The following WWOX variants were observed in gnomAD, a reference collection of about 807,000 sequenced individuals.
The protein encoded by WWOX is WW domain containing oxidoreductase.
A neutral mutation model predicts 46.2 loss-of-function variants in WWOX; 69 were observed. The ratio of observed to expected loss-of-function variants is 1.49; its 90% confidence interval spans 1.23 to 1.82. WWOX has a LOEUF of 1.82. WWOX is among the 40% of genes most tolerant of loss of function. WWOX has a pLI of 0.00. For synonymous variants in WWOX, 359 were observed against 202.6 expected (o/e 1.77, Z -6.56); for missense variants, 919 against 542.6 (o/e 1.69, Z -6.89).
At chr16:79,183,218 C>T (rs1363287350) in intron 8 of WWOX, among the ~76,000 whole-genome samples, 1 of 152,190 alleles carries the variant, frequency 6.6e-6, no homozygotes, top group African/African-American at 2.4e-5. Context: ...CTGTGGCTGA[C>T]CAGCTAGACT....
At chr16:78,494,514 C>A (rs569914847) in intron 8 of WWOX, among the ~76,000 whole-genome samples, 30 of 152,102 alleles carry the variant, frequency 2.0e-4, no homozygotes, top group African/African-American at 7.0e-4. Context: ...GAAATAAAAA[C>A]GGCAACAAAT....
At chr16:78,116,310 T>C (rs374063334) in intron 4 of WWOX, among the ~76,000 whole-genome samples, 29 of 152,348 alleles carry the variant, frequency 1.9e-4, no homozygotes, top group African/African-American at 6.7e-4. Context: ...GAACAATTCC[T>C]TGAAGCTGCA....
At chr16:78,232,265 A>G (rs1047859020) in intron 5 of WWOX, among the ~76,000 whole-genome samples, 21 of 152,208 alleles carry the variant, frequency 1.4e-4, no homozygotes, top group African/African-American at 4.8e-4. Flanking sequence ...GGTCAAACAC[A>G]TTCGTCTGTT....
intron 1 of WWOX, among the ~76,000 whole-genome samples, chr16:78,106,885 C>G (rs567898351): frequency 6.6e-6 from 1 of 152,176 alleles, no homozygotes; most frequent in African/African-American, 2.4e-5. Context: ...GTGGCAGTAG[C>G]CCTGAGGAGA....
At chr16:79,090,564 G>GTT (rs1396261771) in intron 8 of WWOX, among the ~76,000 whole-genome samples, 4 of 152,232 alleles carry the variant, frequency 2.6e-5, no homozygotes, top group East Asian at 3.9e-4. Context: ...ATTCATTCCT[G>GTT]TTTAGAGGGC....
intron 8 of WWOX, among the ~76,000 whole-genome samples, chr16:78,870,935 C>T (rs895100762): frequency 1.2e-4 from 19 of 152,130 alleles, no homozygotes; most frequent in African/African-American, 4.3e-4. Context: ...CTGAAACTGT[C>T]TGCCTGATTC....
At chr16:78,996,143 T>C (rs2046983125) in intron 8 of WWOX, 1 of 929,524 alleles carries the variant, frequency 1.1e-6, no homozygotes, top group Non-Finnish European at 1.3e-6. Flanking sequence ...AGAATGTTCT[T>C]TTTTTTAATT....
intron 8 of WWOX, among the ~76,000 whole-genome samples, chr16:78,594,195 T>C (rs1400823202): frequency 6.9e-6 from 1 of 144,534 alleles, no homozygotes; most frequent in African/African-American, 2.9e-5. Flanking sequence ...TTAGGGCCTT[T>C]TTAACCCCAT....
chr16:78,696,072 C>T (rs538401480), intron 8 of WWOX, among the ~76,000 whole-genome samples: 1 of 152,290 alleles, frequency 6.6e-6, no homozygotes, highest in African/African-American at 2.4e-5. Context: ...GATTCTGATA[C>T]ACGGTCAAGT....
chr16:78,896,964 A>G (rs1398629129), intron 8 of WWOX: 1 of 152,100 alleles, frequency 6.6e-6, no homozygotes, highest in Non-Finnish European at 1.5e-5. Context: ...TCAGTGGATC[A>G]TGCTTGTAAT....
At chr16:78,628,524 A>G (rs2046359234) in intron 8 of WWOX, among the ~76,000 whole-genome samples, 1 of 152,196 alleles carries the variant, frequency 6.6e-6, no homozygotes, top group Non-Finnish European at 1.5e-5. Context: ...CTTAAGGATA[A>G]GAACTATATT....
chr16:78,725,158 A>G (rs1296551485), intron 8 of WWOX, among the ~76,000 whole-genome samples: 2 of 151,654 alleles, frequency 1.3e-5, no homozygotes, highest in African/African-American at 2.4e-5. Context: ...TAAGGGGGAA[A>G]CACCTTTCAC....
chr16:79,099,835 A>G (rs2049155557), intron 8 of WWOX, among the ~76,000 whole-genome samples: 1 of 152,194 alleles, frequency 6.6e-6, no homozygotes, highest in African/African-American at 2.4e-5. Context: ...AATCAGAGCA[A>G]CAGCATGAGT....
chr16:79,028,234 C>T (rs143962746), intron 8 of WWOX, among the ~76,000 whole-genome samples: 6 of 151,812 alleles, frequency 4.0e-5, no homozygotes, highest in African/African-American at 1.5e-4. Context: ...CAGGCGTGAG[C>T]CACCACGCCC....
intron 8 of WWOX, among the ~76,000 whole-genome samples, chr16:78,749,211 C>T (rs1314717059): frequency 1.3e-5 from 2 of 152,126 alleles, no homozygotes; most frequent in Admixed American, 6.5e-5. Context: ...GCATCACACA[C>T]AGACTACTGT....
intron 8 of WWOX, among the ~76,000 whole-genome samples, chr16:79,030,120 ATTG>A (rs1287323057): frequency 8.5e-5 from 13 of 152,162 alleles, no homozygotes; most frequent in Non-Finnish European, 1.9e-4. Context: ...AATGGAGCTT[ATTG>A]TTCACCAGAA....
intron 8 of WWOX, among the ~76,000 whole-genome samples, chr16:78,879,497 A>G (rs1003781028): frequency 6.7e-6 from 1 of 149,702 alleles, no homozygotes; most frequent in East Asian, 2.0e-4. Context: ...CTTCAAGTCC[A>G]CTCTCAAAAA....
intron 4 of WWOX, among the ~76,000 whole-genome samples, chr16:78,142,172 G>T (rs2034012095): frequency 6.6e-6 from 1 of 152,044 alleles, no homozygotes; most frequent in African/African-American, 2.4e-5. Flanking sequence ...GAACATCTAA[G>T]AGTCTTATTT....
intron 8 of WWOX, among the ~76,000 whole-genome samples, chr16:78,728,262 A>G (rs1302833722): frequency 3.3e-5 from 5 of 151,698 alleles, no homozygotes. Flanking sequence ...ATGGGGTCCC[A>G]CTGTGTTGCC....
Sources: allele counts gnomAD v4.1 joint callset (sites outside exome capture counted in the v4.1 genomes callset), GRCh38; gene constraint gnomAD v4.1.1; transcripts MANE v1.5; gene names NCBI Gene and HGNC (gene_info 2026-07-23, HGNC 2026-07-21).